The following NEBL variants were observed in gnomAD, a reference collection of about 807,000 sequenced individuals.
NEBL encodes LIM and SH3 protein 2.
In NEBL, 122 loss-of-function variants were observed where a neutral mutation model predicts 140.2. That is an observed-to-expected ratio of 0.87 (90% CI 0.75 to 1.01). NEBL has a LOEUF of 1.01. NEBL is among the 50% of genes least tolerant of loss of function. The probability of loss-of-function intolerance (pLI) is 0.00; values close to 1 mark genes in which losing one functional copy is unlikely to be tolerated. For missense variants in NEBL, 1,365 were observed against 1,231.3 expected, an observed-to-expected ratio of 1.11 and a Z score of -1.62; for synonymous variants, 436 against 398.9, an observed-to-expected ratio of 1.09 and a Z score of -1.11.
chr10:20,858,810 T>C (rs911973414), intron 8 of NEBL, among the ~76,000 whole-genome samples: 3 of 152,210 alleles, frequency 2.0e-5, no homozygotes, highest in African/African-American at 7.2e-5. Flanking sequence ...ACACACTTAC[T>C]ATGTGCCACT....
chr10:20,898,133 T>A (rs2131418373), upstream of NEBL, among the ~76,000 whole-genome samples: 1 of 152,242 alleles, frequency 6.6e-6, no homozygotes, highest in Admixed American at 6.5e-5. Flanking sequence ...ACAATATTTA[T>A]AATGTAGTGT....
chr10:20,914,142 G>T (rs1022489782), intron 4 of NEBL, among the ~76,000 whole-genome samples: 4 of 152,158 alleles, frequency 2.6e-5, no homozygotes, highest in Admixed American at 1.3e-4. Flanking sequence ...CTGGTCATTT[G>T]GTGACCAATG....
rs117088537 is a variant in NEBL, at chr10:21,123,788, T to A, written c.164+48595A>T. Among the ~76,000 whole-genome samples the A allele has an allele frequency of 2.1e-3, 318 of 150,752 alleles. 13 individuals are homozygous for A. The East Asian group carries it at 0.055, about 26-fold the overall frequency. ...AAAATCTTCAACATATATAATTTTA[T>A]ATATTATATAAATATACATAATCTC... On this transcript the variant is annotated intron_variant, in intron 2 of 6. Transcript: ENST00000417816.
At chr10:21,010,602 A>G (rs965587560) in intron 3 of NEBL, among the ~76,000 whole-genome samples, 1 of 141,034 alleles carries the variant, frequency 7.1e-6, no homozygotes, top group Non-Finnish European at 1.5e-5. Flanking sequence ...AAGCAAAGCC[A>G]TTCAAAAAAA....
intron 3 of NEBL, among the ~76,000 whole-genome samples, chr10:21,231,617 A>G (rs72798589): frequency 0.04 from 6,119 of 151,764 alleles, 192 homozygotes; most frequent in South Asian, 0.14. Context: ...AGGGAACAGT[A>G]TTACAGTCAG....
chr10:21,058,639 T>C (rs1835143693), intron 2 of NEBL, among the ~76,000 whole-genome samples: 1 of 152,170 alleles, frequency 6.6e-6, no homozygotes, highest in Non-Finnish European at 1.5e-5. Flanking sequence ...TACAAAATTG[T>C]CTCAGTCATC....
upstream of NEBL, chr10:20,899,488 C>G (rs1363244733): frequency 4.1e-6 from 5 of 1,217,442 alleles, no homozygotes; most frequent in East Asian, 1.8e-4. Flanking sequence ...AATGCACAAA[C>G]TTTTGAAAAC....
intron 3 of NEBL, among the ~76,000 whole-genome samples, chr10:20,967,955 T>A (rs1239021527): frequency 1.3e-5 from 2 of 152,056 alleles, no homozygotes; most frequent in African/African-American, 4.8e-5. Context: ...ACAAAAAACA[T>A]GAGTGGGAGA....
At chr10:21,180,289 CT>C (rs2132204123) in intron 3 of NEBL, among the ~76,000 whole-genome samples, 1 of 152,276 alleles carries the variant, frequency 6.6e-6, no homozygotes, top group South Asian at 2.1e-4. Flanking sequence ...CTAATACACC[CT>C]CTCTGTGTGA....
chr10:21,207,812 CCATT>C (rs1428483088), intron 3 of NEBL, among the ~76,000 whole-genome samples: 1 of 152,134 alleles, frequency 6.6e-6, no homozygotes, highest in African/African-American at 2.4e-5. Context: ...GTTCTAGAAA[CCATT>C]CATTTAAAAA....
At chr10:21,025,831 C>A (rs1839004201) in intron 2 of NEBL, among the ~76,000 whole-genome samples, 1 of 152,090 alleles carries the variant, frequency 6.6e-6, no homozygotes, top group African/African-American at 2.4e-5. Context: ...AGGCTTGCTG[C>A]AAAATTCACA....
At chr10:20,871,867 C>A (rs758153098) in intron 5 of NEBL, among the ~76,000 whole-genome samples, 2 of 152,060 alleles carry the variant, frequency 1.3e-5, no homozygotes, top group Non-Finnish European at 2.9e-5. Context: ...CAAAAAGCAA[C>A]ATGCTTATCC....
At chr10:21,099,796 G>A (rs979910766) in intron 2 of NEBL, among the ~76,000 whole-genome samples, 1 of 152,148 alleles carries the variant, frequency 6.6e-6, no homozygotes, top group Non-Finnish European at 1.5e-5. Flanking sequence ...TCAGTTGCAA[G>A]TGTTCACTGT....
intron 26 of NEBL, among the ~76,000 whole-genome samples, chr10:20,801,671 T>C (rs541037152): frequency 5.9e-5 from 9 of 152,184 alleles, no homozygotes; most frequent in South Asian, 4.2e-4. Flanking sequence ...AGATAAATGT[T>C]TGATGACTGA....
intron 2 of NEBL, among the ~76,000 whole-genome samples, chr10:21,094,424 C>T (rs1021485624): frequency 1.4e-5 from 2 of 142,018 alleles, no homozygotes; most frequent in Non-Finnish European, 3.0e-5. Context: ...ATGGCGTGAA[C>T]CACAGAGGCG....
At chr10:20,995,892 C>G (rs1222698482) in intron 3 of NEBL, among the ~76,000 whole-genome samples, 3 of 151,680 alleles carry the variant, frequency 2.0e-5, no homozygotes, top group African/African-American at 7.3e-5. Context: ...CCAACTTACC[C>G]TTTGTGGGAC....
Position 21,276,959 on chromosome 10 carries a change from A to G in NEBL, n.182+15871T>C, listed in dbSNP as rs1162091871. Among the ~76,000 whole-genome samples, 3 of 149,952 alleles carry G rather than the reference A, an allele frequency of 2.0e-5. No individual in the cohort carries two copies. The East Asian group carries it at 5.9e-4, about 29-fold the overall frequency. ...ACTCCAGCCTGGGTGATAGAGTGAGACTGTCTCAAAAAAAAAAAAATTAGC... is the reference window on the plus strand; with the variant it reads ...ACTCCAGCCTGGGTGATAGAGTGAGGCTGTCTCAAAAAAAAAAAAATTAGC... On this transcript the variant is annotated intron_variant and non_coding_transcript_variant, in intron 1 of 8. Transcript: ENST00000675702.
In NEBL at chr10:21,193,746, C is replaced by T. The variant is rs11012572; in HGVS notation, n.349-21269G>A. Among the ~76,000 whole-genome samples the T allele has an allele frequency of 3.9e-4, 59 of 152,256 alleles. No homozygotes were observed. The East Asian group carries it at 0.011, about 27-fold the overall frequency. ...TTTTCCTTGCATTGTGCCCTTGATT[C>T]TTTATACAGTCTTGTAAGGAAGCCC... On this transcript the variant is annotated intron_variant and non_coding_transcript_variant, in intron 3 of 8. Coordinates refer to the NEBL transcript ENST00000675702.
intron 3 of NEBL, among the ~76,000 whole-genome samples, chr10:21,231,432 C>T (rs369614598): frequency 2.0e-5 from 3 of 151,894 alleles, no homozygotes; most frequent in East Asian, 1.9e-4. Context: ...CCCAGCTACT[C>T]GGAAGGCTGA....
Sources: allele counts gnomAD v4.1 joint callset (sites outside exome capture counted in the v4.1 genomes callset), GRCh38; gene constraint gnomAD v4.1.1; transcripts MANE v1.5; gene names NCBI Gene and HGNC (gene_info 2026-07-23, HGNC 2026-07-21).